STK10: variants seen among roughly 807,000 people sequenced by gnomAD.
STK10 encodes serine/threonine kinase 10.
A neutral mutation model predicts 113.8 loss-of-function variants in STK10; 78 were observed. The observed-to-expected ratio is 0.69, with a 90% confidence interval of 0.57 to 0.83. STK10 has a LOEUF of 0.83. STK10 is among the 40% of genes least tolerant of loss of function. The pLI is 0.00. For synonymous variants in STK10, 465 were observed against 494.7 expected, an observed-to-expected ratio of 0.94 and a Z score of 0.80; for missense variants, 1,109 against 1,280.1, an observed-to-expected ratio of 0.87 and a Z score of 2.04.
chr5:172,178,728 C>CTCT (rs1770801736), intron 1 of STK10, among the ~76,000 whole-genome samples: 1 of 152,220 alleles, frequency 6.6e-6, no homozygotes, highest in Non-Finnish European at 1.5e-5. Flanking sequence ...AGACCCAACT[C>CTCT]TCTCATTGCA....
chr5:172,049,579 T>C (rs905978424), intron 18 of STK10, among the ~76,000 whole-genome samples: 1 of 149,680 alleles, frequency 6.7e-6, no homozygotes, highest in African/African-American at 2.5e-5. Context: ...CGAAGTGTGG[T>C]CCACGAACCC....
chr5:172,105,154 C>T (rs1769069180), intron 7 of STK10, among the ~76,000 whole-genome samples: 1 of 150,380 alleles, frequency 6.6e-6, no homozygotes, highest in Non-Finnish European at 1.5e-5. Flanking sequence ...CCCTGTGCTC[C>T]TGCTCCCCCA....
intron 9 of STK10, among the ~76,000 whole-genome samples, chr5:172,090,935 T>TTA (rs1768688244): frequency 2.2e-5 from 1 of 46,098 alleles, no homozygotes; most frequent in Non-Finnish European, 3.8e-5. Context: ...ACTCCGTCTC[T>TTA]AAAAAAAAAA....
At chr5:172,073,245 C>G (rs191823666) in intron 12 of STK10, among the ~76,000 whole-genome samples, 19 of 152,044 alleles carry the variant, frequency 1.2e-4, no homozygotes, top group Non-Finnish European at 2.1e-4. Context: ...CTCTGCCTCC[C>G]GGGTTCAAGC....
At position 172,057,374 on chromosome 5, in the gene STK10, T is replaced by G. The variant is rs1416815996; in HGVS notation, c.2312A>C (p.His771Pro). The G allele has an allele frequency of 3.2e-6, 5 of 1,569,348 alleles. No individual in the cohort carries two copies. The South Asian group carries it at 5.8e-5, about 18-fold the overall frequency. ...CTTCTCATGCTTGCGCAGCAGCTCG[T>G]GCCGCTGGAGGAAGTACTGGTCTTT... is the stretch of plus-strand genomic sequence containing the variant. The part of the protein sequence containing the change: ...QLKDQYFLQR[H>P]ELLRKHEKER... The change falls in exon 15 of 19, where the codon CAC (histidine) becomes CCC (proline). Residue 771 changes from histidine (H) to proline (P), a missense_variant. Coordinates refer to ENST00000176763, the MANE Select transcript of STK10 (RefSeq NM_005990.4).
chr5:172,158,878 G>T (rs150600622), intron 1 of STK10, among the ~76,000 whole-genome samples: 3 of 152,122 alleles, frequency 2.0e-5, no homozygotes, highest in Non-Finnish European at 4.4e-5. Context: ...GTTTCCAGGG[G>T]TTAGAAAGGG....
At chr5:172,174,721 G>A (rs1328957627) in intron 1 of STK10, among the ~76,000 whole-genome samples, 1 of 152,162 alleles carries the variant, frequency 6.6e-6, no homozygotes, top group Non-Finnish European at 1.5e-5. Context: ...TCTGAGTTGA[G>A]ACCCGGAGAA....
intron 12 of STK10, among the ~76,000 whole-genome samples, chr5:172,076,082 T>G (rs189594877): frequency 7.9e-5 from 12 of 152,350 alleles, no homozygotes; most frequent in Non-Finnish European, 1.6e-4. Context: ...TGGTCTTAGA[T>G]CAGGGTTTTG....
chr5:172,090,642 A>G (rs963403629), intron 9 of STK10, among the ~76,000 whole-genome samples: 3 of 152,164 alleles, frequency 2.0e-5, no homozygotes, highest in African/African-American at 7.2e-5. Context: ...GGTGTCAGAA[A>G]GAGCTGCGTT....
intron 10 of STK10, among the ~76,000 whole-genome samples, chr5:172,085,330 G>C (rs1234974222): frequency 6.6e-6 from 1 of 152,092 alleles, no homozygotes; most frequent in African/African-American, 2.4e-5. Flanking sequence ...TGTACTCACA[G>C]AAAAAATATC....
chr5:172,165,108 G>T (rs1770544033), intron 1 of STK10, among the ~76,000 whole-genome samples: 1 of 152,176 alleles, frequency 6.6e-6, no homozygotes, highest in Non-Finnish European at 1.5e-5. Flanking sequence ...CAGGGGCTGG[G>T]GGCTTCCTGA....
At chr5:172,117,977 C>T (rs1169111732) in intron 3 of STK10, among the ~76,000 whole-genome samples, 1 of 143,114 alleles carries the variant, frequency 7.0e-6, no homozygotes, top group Non-Finnish European at 1.5e-5. Context: ...CGTACCACTG[C>T]ACTCCAGCCT....
At chr5:172,103,799 G>C (rs1769044378) in intron 7 of STK10, among the ~76,000 whole-genome samples, 1 of 151,872 alleles carries the variant, frequency 6.6e-6, no homozygotes, top group Admixed American at 6.6e-5. Context: ...AGCATTCCTG[G>C]AGCACTGTGC....
Position 172,156,593 on chromosome 5 carries a change from T to C in STK10, c.321+31A>G, listed in dbSNP as rs758891343. On this transcript the variant is annotated intron_variant, in intron 2 of 18. Transcript: ENST00000176763. Reference sequence around the variant, plus strand: ...CTCCAGAGCACCAGGCCATGGGGGCTGAGCTGGGACAGACAGGGCGGCAGC... The same window carrying C: ...CTCCAGAGCACCAGGCCATGGGGGCCGAGCTGGGACAGACAGGGCGGCAGC... The C allele has an allele frequency of 4.4e-6, 7 of 1,598,200 alleles. No homozygotes were observed. The African/African-American group carries it at 9.4e-5, about 21-fold the overall frequency.
At chr5:172,078,947 CCACA>C (rs57963957) in intron 12 of STK10, among the ~76,000 whole-genome samples, 20,691 of 144,578 alleles carry the variant, frequency 0.14, 1,475 homozygotes, top group Non-Finnish European at 0.16. Flanking sequence ...TCTTATAAGT[CCACA>C]CACACACACA....
chr5:172,163,077 T>C (rs1180330120), intron 1 of STK10, among the ~76,000 whole-genome samples: 3 of 152,166 alleles, frequency 2.0e-5, no homozygotes, highest in South Asian at 2.1e-4. Flanking sequence ...AAAGCCTCGT[T>C]GAGGCAGCAA....
At chr5:172,154,197 A>C (rs1770299536) in intron 2 of STK10, among the ~76,000 whole-genome samples, 1 of 152,208 alleles carries the variant, frequency 6.6e-6, no homozygotes, top group African/African-American at 2.4e-5. Context: ...TTACTGACTC[A>C]ATGGGCCTCA....
At chr5:172,139,035 A>T (rs940085974) in intron 2 of STK10, among the ~76,000 whole-genome samples, 5 of 152,196 alleles carry the variant, frequency 3.3e-5, no homozygotes, top group Non-Finnish European at 5.9e-5. Context: ...AAAAATAAAA[A>T]TTAAAGATGA....
intron 12 of STK10, among the ~76,000 whole-genome samples, chr5:172,071,167 C>A (rs1192356260): frequency 7.3e-6 from 1 of 137,630 alleles, no homozygotes; most frequent in African/African-American, 2.8e-5. Context: ...TGAGATTGCA[C>A]CACTGCTCTC....
Sources: allele counts gnomAD v4.1 joint callset (sites outside exome capture counted in the v4.1 genomes callset), GRCh38; gene constraint gnomAD v4.1.1; transcripts MANE v1.5; gene names NCBI Gene and HGNC (gene_info 2026-07-23, HGNC 2026-07-21).